Variants in LMO7 observed in about 807,000 individuals in gnomAD.
LMO7 encodes LIM domain 7, also known as LIM domain only protein 7.
Under a neutral mutation model 206.5 loss-of-function variants are expected in LMO7, and 120 were observed. That is an observed-to-expected ratio of 0.58 (90% CI 0.50 to 0.68). The LOEUF is 0.68. Among genes scored for constraint, LMO7 ranks in the 30% least tolerant of loss-of-function variants. The pLI is 0.00. For synonymous variants in LMO7, 706 were observed against 681.5 expected, an observed-to-expected ratio of 1.04 and a Z score of -0.56; for missense variants, 1,959 against 1,957.9, an observed-to-expected ratio of 1.00 and a Z score of -0.01.
intron 4 of LMO7, among the ~76,000 whole-genome samples, chr13:75,771,111 A>G (rs993679539): frequency 6.6e-6 from 1 of 152,110 alleles, no homozygotes. Context: ...TATGTGGCAA[A>G]TATCTTCACA....
chr13:75,669,246 A>T (rs918867675), intron 1 of LMO7, among the ~76,000 whole-genome samples: 2 of 152,062 alleles, frequency 1.3e-5, no homozygotes, highest in African/African-American at 4.8e-5. Context: ...CTGCATTGTG[A>T]GTGTGTGTGT....
chr13:75,682,923 A>G (rs1048838036), intron 1 of LMO7, among the ~76,000 whole-genome samples: 1 of 152,174 alleles, frequency 6.6e-6, no homozygotes, highest in African/African-American at 2.4e-5. Flanking sequence ...TTTGCCATCT[A>G]TGTATCTTCG....
intron 7 of LMO7, among the ~76,000 whole-genome samples, chr13:75,803,605 T>G (rs1223754001): frequency 1.3e-5 from 2 of 152,232 alleles, no homozygotes; most frequent in African/African-American, 4.8e-5. Context: ...CAAAGGGTGT[T>G]CTTTTGAATT....
intron 4 of LMO7, among the ~76,000 whole-genome samples, chr13:75,788,452 CAAAAAA>C (rs10638523): frequency 3.3e-5 from 2 of 59,972 alleles, no homozygotes; most frequent in Admixed American, 1.7e-4. Flanking sequence ...AACTCTGCCT[CAAAAAA>C]AAAAAAAAAA....
At chr13:75,808,722 G>T (rs180707996) in intron 10 of LMO7, among the ~76,000 whole-genome samples, 1 of 152,144 alleles carries the variant, frequency 6.6e-6, no homozygotes, top group African/African-American at 2.4e-5. Context: ...ATGTTAAAAT[G>T]CATGAATGGT....
intron 4 of LMO7, among the ~76,000 whole-genome samples, chr13:75,787,921 A>G (rs1364788294): frequency 6.6e-6 from 1 of 152,228 alleles, no homozygotes; most frequent in African/African-American, 2.4e-5. Context: ...TTTTATTCAC[A>G]TATCTCTTGT....
intron 2 of LMO7, among the ~76,000 whole-genome samples, chr13:75,717,742 G>T (rs1417396784): frequency 6.6e-6 from 1 of 152,196 alleles, no homozygotes; most frequent in African/African-American, 2.4e-5. Flanking sequence ...CACACATGGA[G>T]TGCCGGTGAC....
intron 3 of LMO7, among the ~76,000 whole-genome samples, chr13:75,740,306 G>C (rs1386211947): frequency 6.6e-6 from 1 of 152,134 alleles, no homozygotes; most frequent in Admixed American, 6.5e-5. Flanking sequence ...CAAAACACTG[G>C]GGCTGGGTTT....
intron 1 of LMO7, among the ~76,000 whole-genome samples, chr13:75,652,911 G>C (rs1369025482): frequency 6.6e-6 from 1 of 152,072 alleles, no homozygotes; most frequent in East Asian, 1.9e-4. Context: ...ACATAAGAAA[G>C]ATAAACTAAA....
intron 6 of LMO7, among the ~76,000 whole-genome samples, chr13:75,798,253 C>T (rs561583189): frequency 5.3e-5 from 8 of 152,262 alleles, no homozygotes; most frequent in Admixed American, 3.3e-4. Flanking sequence ...GCCTGTAATC[C>T]CAGCTACTCG....
At chr13:75,675,017 A>T (rs1427123354) in intron 1 of LMO7, among the ~76,000 whole-genome samples, 1 of 151,914 alleles carries the variant, frequency 6.6e-6, no homozygotes, top group African/African-American at 2.4e-5. Flanking sequence ...GTTATTTGTA[A>T]TTTTAGCTTC....
chr13:75,692,879 C>T (rs1427637765), intron 1 of LMO7, among the ~76,000 whole-genome samples: 1 of 152,162 alleles, frequency 6.6e-6, no homozygotes, highest in East Asian at 1.9e-4. Context: ...CTTCTTTTGA[C>T]TTTGGAGGGT....
Position 75,804,492 on chromosome 13 carries a change from A to G in LMO7, c.865A>G (p.Arg289Gly). The change falls in exon 8 of 31, where the codon AGA (arginine) becomes GGA (glycine). Residue 289 changes from arginine (R) to glycine (G), a missense_variant. Arg to Gly is a moderately radical substitution (Grantham distance 125). Transcript: ENST00000377534. ...KKPDKHEDNRRSWASPVYTEA... is the reference protein window; with the variant it reads ...KKPDKHEDNRGSWASPVYTEA... ...GCCAGACAAACATGAGGATAACAGAAGAAGTTGGGCAAGCCCGGTTTATAC... is the reference window on the plus strand; with the variant it reads ...GCCAGACAAACATGAGGATAACAGAGGAAGTTGGGCAAGCCCGGTTTATAC... The G allele has an allele frequency of 6.2e-7, 1 of 1,614,194 alleles. No individual in the cohort carries two copies. Among genetic ancestry groups the G allele is most frequent in the Non-Finnish European group, 8.5e-7 (1 of 1,180,012 alleles).
rs367556300 is a variant in LMO7, at chr13:75,838,209, G to C, written c.3451+13G>C. On this transcript the variant is annotated intron_variant, in intron 20 of 30. Coordinates refer to ENST00000377534, the MANE Select transcript of LMO7 (RefSeq NM_001306080.2). ...TTTTTTGAACAAGGTAAACCACAAA[G>C]CTAACAATTCATGCACTTTCATGGA... 1.2e-6 allele frequency: 2 copies of C among 1,601,996 alleles called. No individual in the cohort carries two copies. The highest frequency in any genetic ancestry group is 3.3e-5 in the Admixed American group (2 of 59,916).
intron 1 of LMO7, among the ~76,000 whole-genome samples, chr13:75,646,287 C>T (rs543860393): frequency 6.6e-6 from 1 of 152,358 alleles, no homozygotes; most frequent in African/African-American, 2.4e-5. Context: ...GCCACATCCA[C>T]CATCACCTTT....
intron 3 of LMO7, among the ~76,000 whole-genome samples, chr13:75,755,644 C>G (rs2047631876): frequency 6.6e-6 from 1 of 152,198 alleles, no homozygotes; most frequent in Non-Finnish European, 1.5e-5. Flanking sequence ...TTACTACTAG[C>G]TGGGCATCTG....
intron 3 of LMO7, among the ~76,000 whole-genome samples, chr13:75,727,758 A>C (rs2044622447): frequency 1.3e-5 from 2 of 150,664 alleles, no homozygotes; most frequent in Admixed American, 6.6e-5. Flanking sequence ...TATATCTCCT[A>C]ATGCTATCCC....
chr13:75,635,149 G>A (rs1167783089), upstream of LMO7, among the ~76,000 whole-genome samples: 3 of 152,136 alleles, frequency 2.0e-5, no homozygotes, highest in Non-Finnish European at 4.4e-5. Context: ...CAGACGCTAG[G>A]TTTTAGATAG....
chr13:75,748,673 G>A (rs913517706), intron 3 of LMO7, among the ~76,000 whole-genome samples: 4 of 152,166 alleles, frequency 2.6e-5, no homozygotes, highest in African/African-American at 7.2e-5. Context: ...TGAGGCAAGA[G>A]AATTGTCTAA....
Sources: gnomAD v4.1 joint callset for allele counts (sites outside exome capture counted in the v4.1 genomes callset) on GRCh38, gnomAD v4.1.1 for gene constraint, MANE v1.5 for transcripts, NCBI Gene and HGNC (gene_info 2026-07-23, HGNC 2026-07-21) for gene names.